Variants in PCDHA1 observed in about 807,000 individuals in gnomAD.
PCDHA1 encodes protocadherin alpha 1, also known as protocadherin alpha-1.
Under a neutral mutation model 61.3 loss-of-function variants are expected in PCDHA1, and 42 were observed. The ratio of observed to expected loss-of-function variants is 0.69; its 90% CI spans 0.54 to 0.89. The LOEUF (loss-of-function observed/expected upper bound fraction) is 0.89. PCDHA1 is among the 40% of genes least tolerant of loss of function. The probability of loss-of-function intolerance (pLI) is 0.00; values close to 1 mark genes in which losing one functional copy is unlikely to be tolerated. For missense variants in PCDHA1, 1,256 were observed against 1,235.3 expected (o/e 1.02, Z -0.25); for synonymous variants, 610 against 553.8 (o/e 1.10, Z -1.43).
At chr5:140,934,312 A>G (rs2089755727) in intron 1 of PCDHA1, among the ~76,000 whole-genome samples, 1 of 152,108 alleles carries the variant, frequency 6.6e-6, no homozygotes, top group South Asian at 2.1e-4. Context: ...CTTACTGCAA[A>G]TGTCCAATCA....
chr5:140,936,235 GA>G (rs1358431789), intron 1 of PCDHA1, among the ~76,000 whole-genome samples: 2 of 152,076 alleles, frequency 1.3e-5, no homozygotes, highest in African/African-American at 4.8e-5. Context: ...TCCTTTTAAA[GA>G]AAACATATCC....
chr5:140,835,417 A>T (rs1554134958), intron 1 of PCDHA1: 19 of 1,613,960 alleles, frequency 1.2e-5, no homozygotes, highest in Non-Finnish European at 1.5e-5. Flanking sequence ...GATGTAAATG[A>T]CAATGCTCCA....
chr5:140,790,668 A>G (rs1761594882), intron 1 of PCDHA1, among the ~76,000 whole-genome samples: 1 of 152,232 alleles, frequency 6.6e-6, no homozygotes, highest in South Asian at 2.1e-4. Flanking sequence ...ATCACAAAAT[A>G]ATTTCTCTTT....
At chr5:140,848,487 G>C (rs782524885) in intron 1 of PCDHA1, 2 of 1,574,380 alleles carry the variant, frequency 1.3e-6, no homozygotes, top group Non-Finnish European at 1.7e-6. Flanking sequence ...AGAAGACTGA[G>C]TATTTGAAAT....
intron 1 of PCDHA1, among the ~76,000 whole-genome samples, chr5:140,799,407 T>A (rs940893609): frequency 2.4e-4 from 37 of 152,114 alleles, no homozygotes; most frequent in African/African-American, 8.4e-4. Flanking sequence ...ATTTATCTCT[T>A]ATTTTCAAAC....
At chr5:140,968,116 A>C in intron 1 of PCDHA1, 1 of 1,614,174 alleles carries the variant, frequency 6.2e-7, no homozygotes, top group South Asian at 1.1e-5. Context: ...CGCAGCTCAC[A>C]TCCCTGCGTA....
chr5:140,868,063 C>T (rs1554161737), intron 1 of PCDHA1: 1 of 151,920 alleles, frequency 6.6e-6, no homozygotes, highest in African/African-American at 2.4e-5. Context: ...CAAAGATGTT[C>T]AGGGTGATTT....
At chr5:140,965,311 T>G (rs1415569065) in intron 1 of PCDHA1, among the ~76,000 whole-genome samples, 1 of 152,180 alleles carries the variant, frequency 6.6e-6, no homozygotes, top group Non-Finnish European at 1.5e-5. Context: ...TTCTACCTTC[T>G]CTTTTACTGA....
Position 140,823,575 on chromosome 5 carries a change from G to A in PCDHA1, c.2394+34891G>A, listed in dbSNP as rs2150127056. ...AGGTGCGCGCAGTGGACCCTGATTC[G>A]GGCTACAACGCTTGGCTTTCGTATG... On this transcript the variant is annotated intron_variant, in intron 1 of 3. Transcript: ENST00000504120. 4 of 1,613,974 alleles carry A rather than the reference G, an allele frequency of 2.5e-6. No homozygotes were observed. The South Asian group carries it at 4.4e-5, about 18-fold the overall frequency.
rs61735497 is a variant in PCDHA1 at position 140,801,899 on chromosome 5, T to C, written c.2394+13215T>C. 2.7e-4 allele frequency: 442 copies of C among 1,614,214 alleles called. 1 individual carries two copies. The African/African-American group carries it at 5.2e-3, about 19-fold the overall frequency. Reference sequence around the variant, plus strand: ...CTCAACTAAAGATCACTGTTTTAGATGTAAACGACAACGCCCCAGCGTTTG... The same window carrying C: ...CTCAACTAAAGATCACTGTTTTAGACGTAAACGACAACGCCCCAGCGTTTG... On this transcript the variant is annotated intron_variant, in intron 1 of 3. Transcript: ENST00000504120.
chr5:140,853,968 T>C lies in PCDHA1; in HGVS notation c.2394+65284T>C. On this transcript the variant is annotated intron_variant, in intron 1 of 3. Transcript: ENST00000504120. ...AGGGTCCCTTCCTTGAGCCCAGCAG[T>C]TTGAGACCAATGTAGTGAGACTCAT... 9 of 656,022 alleles carry C rather than the reference T, an allele frequency of 1.4e-5. 1 individual carries two copies. The highest frequency in any genetic ancestry group is 1.7e-5 in the Non-Finnish European group (9 of 516,032). 40.6% of individuals were successfully genotyped at this position (656,022 alleles called of 1,614,324 possible).
chr5:140,850,669 C>T lies in PCDHA1; in HGVS notation c.2394+61985C>T, dbSNP rs2150493050. 128 of 1,598,504 alleles carry T rather than the reference C, an allele frequency of 8.0e-5. 13 individuals are homozygous for T. The highest frequency in any genetic ancestry group is 3.3e-4 in the Middle Eastern group (2 of 5,998). The stretch of plus-strand genomic sequence containing the variant: ...CTGTACACTGTGCTGCGGTGCTCGG[C>T]GATGCCCACCGAGGGCGAGTGCGCG... On this transcript the variant is annotated intron_variant, in intron 1 of 3. Transcript: ENST00000504120.
rs79336587 is a variant in PCDHA1 at position 140,997,550 on chromosome 5, C to T, written c.2543-12077C>T. Reference sequence around the variant, plus strand: ...ATAAAAATACATTATTATAATCTTACAGGACAACTGTCATATGTGTGGTCC... The same window carrying T: ...ATAAAAATACATTATTATAATCTTATAGGACAACTGTCATATGTGTGGTCC... On this transcript the variant is annotated intron_variant, in intron 3 of 3. Coordinates refer to ENST00000504120, the MANE Select transcript of PCDHA1 (RefSeq NM_018900.4). Among the ~76,000 whole-genome samples, 1,283 of 152,208 alleles carry T rather than the reference C, an allele frequency of 8.4e-3. 21 individuals carry two copies. The highest frequency in any genetic ancestry group is 0.029 in the African/African-American group (1,211 of 41,522).
chr5:140,959,491 G>A (rs761208761), intron 1 of PCDHA1, among the ~76,000 whole-genome samples: 6 of 151,956 alleles, frequency 3.9e-5, no homozygotes, highest in Non-Finnish European at 7.4e-5. Context: ...TGTTATATAT[G>A]GATCAAACTA....
chr5:140,898,644 T>C (rs2066890005), intron 1 of PCDHA1, among the ~76,000 whole-genome samples: 2 of 152,226 alleles, frequency 1.3e-5, no homozygotes, highest in Admixed American at 1.3e-4. Context: ...GCTTTGTTCT[T>C]TTGGCTTAGG....
chr5:140,805,381 C>T (rs1212116248), intron 1 of PCDHA1: 3 of 1,111,222 alleles, frequency 2.7e-6, no homozygotes, highest in Admixed American at 5.2e-5. Context: ...AGTGAAAGTA[C>T]TCTGGTTTCT....
At chr5:140,949,826 T>G (rs954476311) in intron 1 of PCDHA1, among the ~76,000 whole-genome samples, 2 of 151,922 alleles carry the variant, frequency 1.3e-5, no homozygotes, top group Non-Finnish European at 2.9e-5. Flanking sequence ...ATTTGTCCCC[T>G]CTGATTTTGT....
intron 1 of PCDHA1, chr5:140,834,198 C>T (rs1449732320): frequency 8.4e-6 from 5 of 594,740 alleles, no homozygotes; most frequent in African/African-American, 3.7e-5. Flanking sequence ...CGCTCTTTAC[C>T]GCAAATTCTT....
intron 1 of PCDHA1, chr5:140,852,192 T>C: frequency 1.4e-6 from 1 of 716,718 alleles, no homozygotes; most frequent in Non-Finnish European, 1.8e-6. Context: ...AAAATGCCAG[T>C]AACGTTTATT....
Sources: allele counts gnomAD v4.1 joint callset (sites outside exome capture counted in the v4.1 genomes callset), GRCh38; gene constraint gnomAD v4.1.1; transcripts MANE v1.5; gene names NCBI Gene and HGNC (gene_info 2026-07-23, HGNC 2026-07-21).